LINGO2: variants seen among roughly 807,000 people sequenced by gnomAD.
LINGO2 encodes the protein leucine rich repeat and Ig domain containing 2.
A neutral mutation model predicts 30.6 loss-of-function variants in LINGO2; 14 were observed. The observed-to-expected ratio is 0.46, with a 90% CI of 0.30 to 0.72. The LOEUF (loss-of-function observed/expected upper bound fraction) is 0.72, where lower values mean the gene tolerates loss of function less well. Among genes scored for constraint, LINGO2 ranks in the 30% least tolerant of loss-of-function variants. LINGO2 has a pLI of 0.07. For missense variants in LINGO2, 729 were observed against 751.7 expected (o/e 0.97, Z 0.35); for synonymous variants, 317 against 288.5 (o/e 1.10, Z -1.00).
chr9:28,193,625 T>C (rs931150040), intron 4 of LINGO2, among the ~76,000 whole-genome samples: 2 of 152,164 alleles, frequency 1.3e-5, no homozygotes, highest in African/African-American at 4.8e-5. Context: ...AGAACAAAAA[T>C]ACAAACTTTT....
At chr9:28,458,828 C>A (rs1303009684) in intron 2 of LINGO2, among the ~76,000 whole-genome samples, 1 of 152,038 alleles carries the variant, frequency 6.6e-6, no homozygotes, top group African/African-American at 2.4e-5. Context: ...CATTGCTCAC[C>A]TTGAACTTTG....
At chr9:28,243,864 C>A (rs538804641) in intron 4 of LINGO2, among the ~76,000 whole-genome samples, 1 of 152,104 alleles carries the variant, frequency 6.6e-6, no homozygotes, top group African/African-American at 2.4e-5. Context: ...TAGACTCCCA[C>A]TCAATAATAG....
chr9:29,167,483 C>A, the LINGO2 span, among the ~76,000 whole-genome samples: 2 of 152,068 alleles, frequency 1.3e-5, no homozygotes, highest in Admixed American at 6.6e-5. Flanking sequence ...GACAAGATTG[C>A]TTTGGAATTA....
chr9:28,841,727 C>T, the LINGO2 span, among the ~76,000 whole-genome samples: 1 of 151,556 alleles, frequency 6.6e-6, no homozygotes, highest in Non-Finnish European at 1.5e-5. Context: ...GACAAGTAAG[C>T]AATGAGTATT....
chr9:29,211,618 A>G, the LINGO2 span, among the ~76,000 whole-genome samples: 1 of 150,778 alleles, frequency 6.6e-6, no homozygotes. Context: ...CAAGTATTTC[A>G]GCAGCTTTCC....
the LINGO2 span, among the ~76,000 whole-genome samples, chr9:28,894,094 T>C: frequency 6.6e-6 from 1 of 152,170 alleles, no homozygotes; most frequent in South Asian, 2.1e-4. Context: ...TCATCTTTTA[T>C]GGTTGCATAG....
At chr9:28,828,339 T>A in the LINGO2 span, among the ~76,000 whole-genome samples, 1 of 152,046 alleles carries the variant, frequency 6.6e-6, no homozygotes, top group African/African-American at 2.4e-5. Flanking sequence ...TAAAAATCCA[T>A]TTCAAAATAT....
chr9:28,943,859 T>C, the LINGO2 span, among the ~76,000 whole-genome samples: 1 of 152,192 alleles, frequency 6.6e-6, no homozygotes, highest in African/African-American at 2.4e-5. Flanking sequence ...TGGCATTCTT[T>C]GTTTAAGGGC....
At chr9:29,095,192 T>C in the LINGO2 span, among the ~76,000 whole-genome samples, 1 of 138,400 alleles carries the variant, frequency 7.2e-6, no homozygotes, top group Non-Finnish European at 1.6e-5. Flanking sequence ...TTCTATACTT[T>C]GATAAATGTT....
chr9:28,774,112 G>T, the LINGO2 span, among the ~76,000 whole-genome samples: 4 of 150,252 alleles, frequency 2.7e-5, no homozygotes, highest in East Asian at 7.9e-4. Context: ...TTTTGTAAAG[G>T]CAAGATTTAA....
At chr9:28,172,042 A>AAAAAAAC (rs1564016965) in intron 4 of LINGO2, among the ~76,000 whole-genome samples, 1 of 143,814 alleles carries the variant, frequency 7.0e-6, no homozygotes, top group African/African-American at 2.6e-5. Flanking sequence ...AACAAAAAAA[A>AAAAAAAC]AAACCCAGCA....
the LINGO2 span, among the ~76,000 whole-genome samples, chr9:29,080,819 T>C: frequency 6.6e-6 from 1 of 152,148 alleles, no homozygotes; most frequent in Non-Finnish European, 1.5e-5. Flanking sequence ...CAGTTTGTTA[T>C]AATTTCTGTT....
chr9:29,129,306 C>A, the LINGO2 span, among the ~76,000 whole-genome samples: 2 of 151,876 alleles, frequency 1.3e-5, no homozygotes, highest in Non-Finnish European at 2.9e-5. Flanking sequence ...ATCTCAGTTT[C>A]CAAAAGTAAT....
intron 2 of LINGO2, among the ~76,000 whole-genome samples, chr9:28,444,002 CT>C (rs967802647): frequency 6.6e-5 from 10 of 152,138 alleles, no homozygotes; most frequent in African/African-American, 9.7e-5. Flanking sequence ...TTTCTCCCTT[CT>C]GAGCCCATAA....
chr9:28,872,012 GT>G, the LINGO2 span, among the ~76,000 whole-genome samples: 12 of 151,894 alleles, frequency 7.9e-5, no homozygotes, highest in Non-Finnish European at 1.6e-4. Flanking sequence ...TCAATGATGT[GT>G]TGATTTCCTC....
intron 5 of LINGO2, among the ~76,000 whole-genome samples, chr9:27,957,966 A>G (rs1451517661): frequency 6.6e-6 from 1 of 152,106 alleles, no homozygotes; most frequent in African/African-American, 2.4e-5. Context: ...TGTCTTTCGC[A>G]TTTGTTAGTA....
At chr9:28,182,425 T>C (rs1358012883) in intron 4 of LINGO2, among the ~76,000 whole-genome samples, 1 of 152,052 alleles carries the variant, frequency 6.6e-6, no homozygotes, top group Non-Finnish European at 1.5e-5. Flanking sequence ...ATGATGAAAA[T>C]GCCAAAAGCA....
the LINGO2 span, among the ~76,000 whole-genome samples, chr9:28,747,297 AG>A: frequency 6.6e-6 from 1 of 151,996 alleles, no homozygotes; most frequent in African/African-American, 2.4e-5. Context: ...GCCCAACTCC[AG>A]GGGAAGATCA....
intron 4 of LINGO2, among the ~76,000 whole-genome samples, chr9:28,074,025 A>G (rs1329382642): frequency 6.6e-6 from 1 of 152,140 alleles, no homozygotes; most frequent in East Asian, 1.9e-4. Flanking sequence ...AGTTTTTTGG[A>G]CAGGACAAGT....
Sources: gnomAD v4.1 joint callset for allele counts (sites outside exome capture counted in the v4.1 genomes callset) on GRCh38, gnomAD v4.1.1 for gene constraint, MANE v1.5 for transcripts, NCBI Gene and HGNC (gene_info 2026-07-23, HGNC 2026-07-21) for gene names.